Variants in RNF4 observed in about 807,000 individuals in gnomAD.
The protein encoded by RNF4 is ring finger protein 4.
In RNF4, 7 loss-of-function variants were observed where a neutral mutation model predicts 24.3. The observed-to-expected ratio is 0.29, with a 90% CI of 0.16 to 0.54. The LOEUF (loss-of-function observed/expected upper bound fraction) is 0.54. RNF4 is among the 20% of genes least tolerant of loss of function. The pLI, the probability that RNF4 is intolerant of heterozygous loss-of-function variation, is 0.95. For synonymous variants in RNF4, 83 were observed against 84.3 expected (o/e 0.98, Z 0.09); for missense variants, 209 against 248.5 (o/e 0.84, Z 1.07).
At chr4:2,504,416 A>G (rs1736005184) in intron 4 of RNF4, among the ~76,000 whole-genome samples, 1 of 152,100 alleles carries the variant, frequency 6.6e-6, no homozygotes, top group Admixed American at 6.6e-5. Flanking sequence ...GTGGTGTCTC[A>G]TTGTGGTTTT....
At chr4:2,494,398 A>G (rs1353262826) in intron 2 of RNF4, among the ~76,000 whole-genome samples, 17 of 119,282 alleles carry the variant, frequency 1.4e-4, no homozygotes, top group African/African-American at 5.2e-4. Flanking sequence ...TTTTTTGGAG[A>G]CAGAGTCTCA....
intron 3 of RNF4, among the ~76,000 whole-genome samples, chr4:2,497,947 T>C (rs1735789117): frequency 6.6e-6 from 1 of 152,130 alleles, no homozygotes; most frequent in Admixed American, 6.5e-5. Flanking sequence ...CAAACTCGCG[T>C]TTTAAACAGA....
intron 1 of RNF4, among the ~76,000 whole-genome samples, chr4:2,483,806 A>G (rs1202512787): frequency 1.3e-5 from 2 of 151,876 alleles, no homozygotes; most frequent in Non-Finnish European, 2.9e-5. Flanking sequence ...TGTGTCTCAA[A>G]AAAAAATTAT....
chr4:2,500,528 T>C (rs1735878261), intron 3 of RNF4, 131 bp from the exon 4 acceptor site: 1 of 848,932 alleles, frequency 1.2e-6, no homozygotes, highest in Admixed American at 2.2e-5. Flanking sequence ...TGGTGCTCTT[T>C]GCAGTGTATA....
intron 4 of RNF4, among the ~76,000 whole-genome samples, chr4:2,508,122 C>G (rs1045467845): frequency 2.0e-5 from 3 of 152,216 alleles, no homozygotes; most frequent in Non-Finnish European, 4.4e-5. Context: ...GCTGGGATTG[C>G]AGATATGGGA....
In RNF4 at chr4:2,504,726, A is replaced by ATTTTTTTTTTTTTTTTTTT. The variant is rs1182588172; in HGVS notation, c.204+3991_204+4009dup. 9.8e-5 allele frequency among the ~76,000 whole-genome samples: 6 copies of ATTTTTTTTTTTTTTTTTTT among 61,126 alleles called. 1 individual carries two copies. The highest frequency in any genetic ancestry group is 1.8e-4 in the African/African-American group (3 of 16,316). The allele number at this position is 61,126 out of a possible 152,430, so 40.1% of individuals were successfully genotyped here. A position where few individuals can be genotyped will look rare whatever the true frequency, so the allele number is the denominator to read the frequency against. On this transcript the variant is annotated intron_variant, in intron 4 of 7. Coordinates refer to ENST00000314289, the MANE Select transcript of RNF4 (RefSeq NM_002938.5). ...CCACCATGCCCGGCTCATTTTTTGT[A>ATTTTTTTTTTTTTTTTTTT]TTTTTTTTTTTTTTTTTTTTTGAGA...
At chr4:2,510,339 C>T (rs1490451898) in intron 4 of RNF4, among the ~76,000 whole-genome samples, 1 of 152,190 alleles carries the variant, frequency 6.6e-6, no homozygotes, top group Admixed American at 6.5e-5. Flanking sequence ...CATTGACCCA[C>T]CTAGGGAGCT....
chr4:2,507,063 G>T (rs776943081), intron 4 of RNF4, among the ~76,000 whole-genome samples: 33 of 152,110 alleles, frequency 2.2e-4, no homozygotes, highest in Non-Finnish European at 4.6e-4. Flanking sequence ...GATTTTTCTG[G>T]AATCTTTTTT....
intron 1 of RNF4, among the ~76,000 whole-genome samples, chr4:2,476,203 C>A (rs750951042): frequency 1.3e-5 from 2 of 152,174 alleles, no homozygotes; most frequent in Non-Finnish European, 2.9e-5. Flanking sequence ...AGCCAAACTA[C>A]TGCTAAATTC....
Position 2,496,994 on chromosome 4 carries a change from C to T in RNF4, c.10-13C>T. The stretch of plus-strand genomic sequence containing the variant: ...GGTGTTCATGTGACTCTTCTTTCCC[C>T]CTTGCTACTCAGAGAAAGCGTCGTG... On this transcript the variant is annotated splice_polypyrimidine_tract_variant and intron_variant, in intron 2 of 7. Transcript: ENST00000314289. 6.3e-6 allele frequency: 10 copies of T among 1,577,008 alleles called. No individual in the cohort carries two copies. The highest frequency in any genetic ancestry group is 8.6e-6 in the Non-Finnish European group (10 of 1,160,206).
chr4:2,469,528 G>C (rs1041235736), intron 1 of RNF4: 6 of 152,292 alleles, frequency 3.9e-5, no homozygotes, highest in African/African-American at 1.2e-4. Flanking sequence ...TCCTAGCCTA[G>C]GAAGGGAAAC....
chr4:2,509,525 T>G (rs80039100), intron 4 of RNF4, among the ~76,000 whole-genome samples: 6,785 of 152,232 alleles, frequency 0.045, 186 homozygotes, highest in South Asian at 0.13. Context: ...GCCTGTGGTG[T>G]TGTTCTTATA....
chr4:2,513,868 G>A lies in RNF4; in HGVS notation c.*49G>A. ...GACGGATGGACAGACAGACAGCCAG[G>A]TTCTCCAGTGGTATCTGCCTCCATT... On this transcript the variant is annotated 3_prime_UTR_variant, in exon 8 of 8. Coordinates refer to ENST00000314289, the MANE Select transcript of RNF4 (RefSeq NM_002938.5). 6.2e-7 allele frequency: 1 copy of A among 1,610,272 alleles called. No homozygotes were observed. The highest frequency in any genetic ancestry group is 8.5e-7 in the Non-Finnish European group (1 of 1,177,634).
chr4:2,512,639 G>C lies in RNF4; in HGVS notation c.374+42G>C. ...AGCTCTGCTGCCGCCATGCTAGGAT[G>C]TGGGGCCAGGGCATGGGAATACTTT... On this transcript the variant is annotated intron_variant, in intron 6 of 7. Transcript: ENST00000314289. The surrounding 1 kb of genome is among the most constrained non-coding windows in gnomAD (Gnocchi z 4.1). 6.2e-7 allele frequency: 1 copy of C among 1,606,674 alleles called. No homozygotes were observed. Among genetic ancestry groups the C allele is most frequent in the African/African-American group, 1.3e-5 (1 of 74,926 alleles).
chr4:2,501,442 G>A (rs1735908210), intron 4 of RNF4, among the ~76,000 whole-genome samples: 1 of 150,404 alleles, frequency 6.6e-6, no homozygotes, highest in African/African-American at 2.5e-5. Context: ...GAGGCTGCCT[G>A]TGTCCCTGTC....
chr4:2,487,532 T>G (rs1033261139), intron 1 of RNF4, among the ~76,000 whole-genome samples: 2 of 152,228 alleles, frequency 1.3e-5, no homozygotes, highest in African/African-American at 4.8e-5. Flanking sequence ...GTGATCTGCC[T>G]GCCTCAGCCT....
chr4:2,495,792 C>A (rs1735718696), intron 2 of RNF4, among the ~76,000 whole-genome samples: 1 of 152,178 alleles, frequency 6.6e-6, no homozygotes, highest in East Asian at 1.9e-4. Context: ...GCCACCACGC[C>A]CAGCTAATTT....
intron 1 of RNF4, among the ~76,000 whole-genome samples, chr4:2,485,366 T>C (rs1295574167): frequency 6.6e-6 from 1 of 152,170 alleles, no homozygotes; most frequent in Non-Finnish European, 1.5e-5. Flanking sequence ...AAATTCTCTT[T>C]TACAGATTCT....
chr4:2,492,057 G>A (rs1270531340), intron 2 of RNF4, among the ~76,000 whole-genome samples: 1 of 151,942 alleles, frequency 6.6e-6, no homozygotes, highest in African/African-American at 2.4e-5. Flanking sequence ...AATTAGCCAG[G>A]CATAGTTGGC....
Sources: gnomAD v4.1 joint callset for allele counts (sites outside exome capture counted in the v4.1 genomes callset) on GRCh38, gnomAD v4.1.1 for gene constraint, Gnocchi (gnomAD v3.1) non-coding constraint, MANE v1.5 for transcripts, NCBI Gene and HGNC (gene_info 2026-07-23, HGNC 2026-07-21) for gene names.